The following SYNDIG1L variants were observed in gnomAD, a reference collection of about 807,000 sequenced individuals.
The protein encoded by SYNDIG1L is synapse differentiation inducing 1 like, also known as synapse differentiation-inducing gene protein 1-like.
Under a neutral mutation model 20.1 loss-of-function variants are expected in SYNDIG1L, and 13 were observed. The observed-to-expected ratio is 0.65, with a 90% CI of 0.42 to 1.03. The LOEUF (loss-of-function observed/expected upper bound fraction) is 1.03, where lower values mean the gene tolerates loss of function less well. Ranked by LOEUF, SYNDIG1L falls within the 50% of genes least tolerant of loss-of-function variation. The pLI, the probability that SYNDIG1L is intolerant of heterozygous loss-of-function variation, is 0.00. For missense variants in SYNDIG1L, 294 were observed against 305.1 expected, an observed-to-expected ratio of 0.96 and a Z score of 0.27; for synonymous variants, 128 against 129.3, an observed-to-expected ratio of 0.99 and a Z score of 0.07.
intron 1 of SYNDIG1L, among the ~76,000 whole-genome samples, chr14:74,419,777 G>A (rs570887327): frequency 3.2e-4 from 49 of 152,322 alleles, no homozygotes; most frequent in African/African-American, 1.1e-3. Flanking sequence ...TCTGAACTCA[G>A]TCTTGAAGGA....
At chr14:74,414,697 T>A in intron 1 of SYNDIG1L, among the ~76,000 whole-genome samples, 1 of 152,204 alleles carries the variant, frequency 6.6e-6, no homozygotes, top group East Asian at 1.9e-4. Context: ...AGAAGAAGAA[T>A]AACTTACACT....
the SYNDIG1L span, among the ~76,000 whole-genome samples, chr14:74,461,899 T>C: frequency 2.0e-5 from 2 of 102,508 alleles, no homozygotes; most frequent in African/African-American, 7.5e-5. Context: ...CTGGGCAACA[T>C]GGCGAAACCC....
At chr14:74,451,575 T>G in the SYNDIG1L span, among the ~76,000 whole-genome samples, 9 of 152,360 alleles carry the variant, frequency 5.9e-5, no homozygotes, top group Admixed American at 5.9e-4. Flanking sequence ...ATAAATTTAC[T>G]GCATCAAAAG....
chr14:74,408,026 T>C, intron 2 of SYNDIG1L, 37 bp from the exon 3 acceptor site: 3 of 1,583,774 alleles, frequency 1.9e-6, no homozygotes, highest in Non-Finnish European at 2.6e-6. Context: ...AGGCCCAGGA[T>C]CAGCCCAGCC....
At chr14:74,428,086 A>G (rs1481097303), upstream of SYNDIG1L, among the ~76,000 whole-genome samples, 1 of 152,262 alleles carries the variant, frequency 6.6e-6, no homozygotes, top group African/African-American at 2.4e-5. Flanking sequence ...GTGTTGTATC[A>G]AGGGCCCTGG....
upstream of SYNDIG1L, among the ~76,000 whole-genome samples, chr14:74,429,231 C>T (rs544906894): frequency 1.3e-5 from 2 of 152,178 alleles, no homozygotes; most frequent in African/African-American, 4.8e-5. Flanking sequence ...GTGAGGACCA[C>T]AGGTAAGGGA....
intron 1 of SYNDIG1L, among the ~76,000 whole-genome samples, chr14:74,414,992 G>A (rs1047296799): frequency 6.6e-6 from 1 of 152,178 alleles, no homozygotes; most frequent in East Asian, 1.9e-4. Context: ...TTGACACTGC[G>A]TTTCCCTTTG....
In SYNDIG1L at chr14:74,409,516, C is replaced by G. The variant is rs1223976130; in HGVS notation, c.229G>C (p.Asp77His). Residue 77 changes from aspartate (D) to histidine (H), a missense_variant, in exon 2 of 4, where the codon GAC becomes CAC. Physicochemically the swap from Asp to His is moderately conservative, Grantham distance 81 (BLOSUM62 -1). Transcript: ENST00000331628. ...CCTGCCCTGGGCTCCTTGACCTTGT[C>G]TCTCCCCAGGAGGCAGCTGGGCCGG... ...WYRPSCLLGRDKVKEPRAGSC... is the reference protein window; with the variant it reads ...WYRPSCLLGRHKVKEPRAGSC... 6.2e-7 allele frequency: 1 copy of G among 1,606,376 alleles called. No homozygotes were observed. Among genetic ancestry groups the G allele is most frequent in the Non-Finnish European group, 8.5e-7 (1 of 1,176,506 alleles).
intron 1 of SYNDIG1L, among the ~76,000 whole-genome samples, chr14:74,416,808 G>T (rs747023718): frequency 8.5e-4 from 129 of 152,320 alleles, no homozygotes; most frequent in Non-Finnish European, 1.5e-3. Flanking sequence ...CTGTGCTCCA[G>T]ACACTGTTCT....
chr14:74,409,276 G>T, intron 2 of SYNDIG1L, 52 bp downstream of exon 2: 2 of 1,296,670 alleles, frequency 1.5e-6, no homozygotes, highest in East Asian at 2.6e-5. Flanking sequence ...TAGAGTCGGG[G>T]TCTCCTTGTG....
chr14:74,409,499 G>C lies in SYNDIG1L; in HGVS notation c.246C>G (p.Pro82=). ...CLLGRDKVKE[P]RAGSCETSFT... is the part of the protein sequence containing the mutation. Reference sequence around the variant, plus strand: ...AGCTTGTCTCACAGCTGCCTGCCCTGGGCTCCTTGACCTTGTCTCTCCCCA... The same window carrying C: ...AGCTTGTCTCACAGCTGCCTGCCCTCGGCTCCTTGACCTTGTCTCTCCCCA... Residue 82 remains proline (P), a synonymous_variant, in exon 2 of 4, where the codon CCC becomes CCG. Transcript: ENST00000331628. The C allele has an allele frequency of 6.2e-7, 1 of 1,611,618 alleles. No homozygotes were observed. The highest frequency in any genetic ancestry group is 8.5e-7 in the Non-Finnish European group (1 of 1,178,968).
chr14:74,432,576 T>C, the SYNDIG1L span, among the ~76,000 whole-genome samples: 72,458 of 151,932 alleles, frequency 0.48, 17,374 homozygotes, highest in South Asian at 0.54. Flanking sequence ...AAGGAGAAGG[T>C]TAGGTGAGGT....
chr14:74,433,369 A>G, the SYNDIG1L span, among the ~76,000 whole-genome samples: 17 of 152,138 alleles, frequency 1.1e-4, 1 homozygote, highest in Admixed American at 1.0e-3. Flanking sequence ...ACTTGTTTAG[A>G]TAAATAATCT....
At chr14:74,439,945 G>C in the SYNDIG1L span, among the ~76,000 whole-genome samples, 1 of 151,850 alleles carries the variant, frequency 6.6e-6, no homozygotes, top group Non-Finnish European at 1.5e-5. Context: ...ATGGTATAAG[G>C]GTGCTCCCTG....
upstream of SYNDIG1L, among the ~76,000 whole-genome samples, chr14:74,426,492 C>G (rs2086267841): frequency 6.6e-6 from 1 of 152,160 alleles, no homozygotes; most frequent in African/African-American, 2.4e-5. Context: ...ATGGGAGGCC[C>G]TTGGGCTTCT....
chr14:74,406,067 A>G lies in SYNDIG1L; in HGVS notation c.*1468T>C. ...CCTGGGCTCTGGATGGGGCATGGGA[A>G]TGACCAGGTTCCCACATCATGCACA... On this transcript the variant is annotated 3_prime_UTR_variant, in exon 4 of 4. Transcript: ENST00000331628. The G allele has an allele frequency of 2.5e-6, 1 of 398,642 alleles. No homozygotes were observed. The highest frequency in any genetic ancestry group is 4.4e-6 in the Non-Finnish European group (1 of 226,118). 24.7% of individuals were successfully genotyped at this position (398,642 alleles called of 1,614,324 possible).
the SYNDIG1L span, among the ~76,000 whole-genome samples, chr14:74,470,350 G>A: frequency 5.9e-5 from 9 of 152,154 alleles, no homozygotes; most frequent in Non-Finnish European, 1.0e-4. Context: ...GCTACATTTT[G>A]CCTGTGGGTC....
At chr14:74,409,273 G>T (rs929957571) in intron 2 of SYNDIG1L, 55 bp downstream of exon 2, 1 of 1,265,318 alleles carries the variant, frequency 7.9e-7, no homozygotes. Flanking sequence ...TTGTAGAGTC[G>T]GGGTCTCCTT....
intron 2 of SYNDIG1L, 101 bp downstream of exon 2, chr14:74,409,227 T>A (rs2086110265): frequency 2.3e-6 from 2 of 887,650 alleles, no homozygotes; most frequent in Non-Finnish European, 3.3e-6. Flanking sequence ...CACAGGCACA[T>A]GCCACCACGC....
Sources: allele counts gnomAD v4.1 joint callset (sites outside exome capture counted in the v4.1 genomes callset), GRCh38; gene constraint gnomAD v4.1.1; transcripts MANE v1.5; gene names NCBI Gene and HGNC (gene_info 2026-07-23, HGNC 2026-07-21).